FAM124A: variants seen among roughly 807,000 people sequenced by gnomAD.
FAM124A encodes the protein family with sequence similarity 124 member A.
FAM124A carries 23 observed loss-of-function variants against 24.5 expected under a neutral mutation model. That is an observed-to-expected ratio of 0.94 (90% CI 0.68 to 1.33). FAM124A has a LOEUF of 1.33. Ranked by LOEUF, FAM124A falls within the 40% of genes most tolerant of loss-of-function variation. FAM124A has a pLI of 0.00. For synonymous variants in FAM124A, 287 were observed against 314.7 expected (o/e 0.91, Z 0.93); for missense variants, 623 against 722.8 (o/e 0.86, Z 1.58).
Position 51,281,160 on chromosome 13 carries a change from C to G in FAM124A, c.1545C>G (p.Cys515Trp). 6.2e-7 allele frequency: 1 copy of G among 1,613,884 alleles called. No homozygotes were observed. The highest frequency in any genetic ancestry group is 2.2e-5 in the East Asian group (1 of 44,874). ...TLTDSSPQLP[C>W]DTPKVKQTDG... ...CAGACTCCTCCCCACAGCTCCCATG[C>G]GATACCCCCAAAGTCAAGCAGACTG... The change falls in exon 4 of 4, where the codon TGC (cysteine) becomes TGG (tryptophan). Residue 515 changes from cysteine to tryptophan, a missense_variant. Physicochemically the swap from Cys to Trp is radical, Grantham distance 215. Coordinates refer to ENST00000322475, the MANE Select transcript of FAM124A (RefSeq NM_001242312.2).
In FAM124A at chr13:51,281,226, G is replaced by A; in HGVS notation, c.1611G>A (p.Gly537=). 1 of 1,591,018 alleles carries A rather than the reference G, an allele frequency of 6.3e-7. No homozygotes were observed. Residue 537 remains glycine, a synonymous_variant, in exon 4 of 4, where the codon GGG becomes GGA. Transcript: ENST00000322475. ...CACCCCCAGGGTCGGCTGGCCCCGG[G>A]GATAACGACATGGAGGAATTCTACA... is the stretch of plus-strand genomic sequence containing the variant. ...MPPPPGSAGP[G]DNDMEEFYI
intron 3 of FAM124A, among the ~76,000 whole-genome samples, chr13:51,256,684 T>C (rs543297017): frequency 6.6e-6 from 1 of 152,180 alleles, no homozygotes; most frequent in Non-Finnish European, 1.5e-5. Context: ...TAATTGTTAA[T>C]TGTGGTAAAA....
chr13:51,280,040 A>T (rs1209293047), intron 3 of FAM124A, among the ~76,000 whole-genome samples: 4 of 152,252 alleles, frequency 2.6e-5, no homozygotes, highest in African/African-American at 9.6e-5. Context: ...AGTGTCTATC[A>T]GGTGAGCACA....
Position 51,264,473 on chromosome 13 carries a change from C to T in FAM124A, c.834+12272C>T, listed in dbSNP as rs148333795. On this transcript the variant is annotated intron_variant, in intron 3 of 3. Transcript: ENST00000322475. ...CTTAAGACAGCTTCAAAGTTGCATA[C>T]ACCTGCCAGATGTAGTGGCATACAC... Among the ~76,000 whole-genome samples the T allele has an allele frequency of 3.1e-3, 465 of 152,268 alleles. 6 individuals are homozygous for T. Among genetic ancestry groups the T allele is most frequent in the South Asian group, 0.027 (132 of 4,820 alleles).
intron 1 of FAM124A, among the ~76,000 whole-genome samples, chr13:51,225,976 C>CTTTTTTTTTTTTT (rs780570797): frequency 4.4e-5 from 3 of 67,580 alleles, no homozygotes; most frequent in South Asian, 7.4e-4. Flanking sequence ...TGCTTGCTTT[C>CTTTTTTTTTTTTT]TTTTTTTTTT....
chr13:51,277,569 T>C (rs1459938662), intron 3 of FAM124A, among the ~76,000 whole-genome samples: 4 of 152,060 alleles, frequency 2.6e-5, no homozygotes, highest in Admixed American at 2.6e-4. Context: ...CCGAGGCGGG[T>C]GGACCACGAG....
intron 3 of FAM124A, among the ~76,000 whole-genome samples, chr13:51,256,470 A>C (rs1253051927): frequency 6.6e-6 from 1 of 152,208 alleles, no homozygotes; most frequent in African/African-American, 2.4e-5. Flanking sequence ...GTTGCCAGGC[A>C]GAGAGGCCTG....
At chr13:51,276,507 C>T (rs1038309563) in intron 3 of FAM124A, among the ~76,000 whole-genome samples, 1 of 152,124 alleles carries the variant, frequency 6.6e-6, no homozygotes, top group African/African-American at 2.4e-5. Flanking sequence ...AACTTTCTAC[C>T]AAAAACATCA....
chr13:51,245,526 G>T (rs1299119617), intron 2 of FAM124A: 1 of 449,996 alleles, frequency 2.2e-6, no homozygotes, highest in African/African-American at 2.0e-5. Flanking sequence ...TGTTAGAAAA[G>T]AAATGATTTG....
intron 1 of FAM124A, among the ~76,000 whole-genome samples, chr13:51,224,386 G>A (rs952013412): frequency 2.7e-4 from 41 of 152,114 alleles, no homozygotes; most frequent in Non-Finnish European, 5.3e-4. Context: ...CAGGAGAATC[G>A]CTTGAACCCG....
intron 2 of FAM124A, among the ~76,000 whole-genome samples, chr13:51,244,970 T>G (rs1264105010): frequency 6.6e-6 from 1 of 152,220 alleles, no homozygotes; most frequent in Non-Finnish European, 1.5e-5. Flanking sequence ...GCATCGTTCA[T>G]CTGGGATAAT....
chr13:51,254,267 T>G (rs1312601183), intron 3 of FAM124A, among the ~76,000 whole-genome samples: 1 of 152,228 alleles, frequency 6.6e-6, no homozygotes, highest in Non-Finnish European at 1.5e-5. Flanking sequence ...TTTAGTTGCT[T>G]GTTTAAAATA....
Position 51,251,777 on chromosome 13 carries a change from A to G in FAM124A, c.410A>G (p.His137Arg), listed in dbSNP as rs1299159637. Reference sequence around the variant, plus strand: ...CGCCACCACCACACCGAGCAGGTGCACGGCCGGTTCCTGCCCTACCTGCCC... The same window carrying G: ...CGCCACCACCACACCGAGCAGGTGCGCGGCCGGTTCCTGCCCTACCTGCCC... The part of the protein sequence containing the change: ...PWRHHHTEQV[H>R]GRFLPYLPCS... The change falls in exon 3 of 4, where the codon CAC becomes CGC. Residue 137 changes from histidine (H) to arginine (R), a missense_variant. His to Arg is a conservative substitution (Grantham distance 29). Transcript: ENST00000322475. This position sits in a 1 kb window ranked among gnomAD's most constrained non-coding sequence, Gnocchi z 5.3. The G allele has an allele frequency of 2.5e-6, 4 of 1,587,880 alleles. No individual in the cohort carries two copies. Among genetic ancestry groups the G allele is most frequent in the Admixed American group, 3.6e-5 (2 of 56,206 alleles).
Position 51,244,194 on chromosome 13 carries a change from G to A in FAM124A, c.101-7274G>A, listed in dbSNP as rs368775074. Among the ~76,000 whole-genome samples the A allele has an allele frequency of 2.4e-4, 36 of 152,254 alleles. No homozygotes were observed. The East Asian group carries it at 2.9e-3, about 12-fold the overall frequency. ...GGAATGGCGCACAGCAGTTTATTCC[G>A]TCAATGGTAAATTGTTACAGCCACT... On this transcript the variant is annotated intron_variant, in intron 2 of 3. Transcript: ENST00000322475.
intron 2 of FAM124A, among the ~76,000 whole-genome samples, chr13:51,236,289 T>A (rs2137655727): frequency 6.6e-6 from 1 of 152,380 alleles, no homozygotes; most frequent in Non-Finnish European, 1.5e-5. Flanking sequence ...TTGTCAGTTC[T>A]GCTTCGCTTC....
chr13:51,230,300 T>A (rs1954361045), intron 1 of FAM124A, among the ~76,000 whole-genome samples: 1 of 152,228 alleles, frequency 6.6e-6, no homozygotes, highest in Admixed American at 6.5e-5. Flanking sequence ...AGAGGCATGC[T>A]GCTTATGATT....
At chr13:51,263,291 C>T (rs1284130338) in intron 3 of FAM124A, among the ~76,000 whole-genome samples, 1 of 152,254 alleles carries the variant, frequency 6.6e-6, no homozygotes, top group African/African-American at 2.4e-5. Flanking sequence ...AGAGCCTGCT[C>T]TCTGTGCATT....
At position 51,231,432 on chromosome 13, in the gene FAM124A, C is replaced by CA; in HGVS notation, c.100+54dup. 1.9e-6 allele frequency: 3 copies of CA among 1,593,164 alleles called. 1 individual carries two copies. The highest frequency in any genetic ancestry group is 2.3e-5 in the South Asian group (2 of 88,298). The stretch of plus-strand genomic sequence containing the variant: ...ATTGTCTAACGGTCCCCGGAGAGGT[C>CA]AGTACCCTAGAGGCCATGTGTGTAC... On this transcript the variant is annotated intron_variant, in intron 2 of 3. Transcript: ENST00000322475.
intron 1 of FAM124A, among the ~76,000 whole-genome samples, chr13:51,226,011 T>A (rs1206776018): frequency 4.6e-5 from 5 of 108,562 alleles, no homozygotes; most frequent in African/African-American, 1.4e-4. Context: ...TTTTTTTTTT[T>A]AACAGACAGG....
Sources: gnomAD v4.1 joint callset for allele counts (sites outside exome capture counted in the v4.1 genomes callset) on GRCh38, gnomAD v4.1.1 for gene constraint, Gnocchi (gnomAD v3.1) non-coding constraint, MANE v1.5 for transcripts, NCBI Gene and HGNC (gene_info 2026-07-23, HGNC 2026-07-21) for gene names.